SLC29A4: variants seen among roughly 807,000 people sequenced by gnomAD.
The protein encoded by SLC29A4 is solute carrier family 29 member 4.
Under a neutral mutation model 43.9 loss-of-function variants are expected in SLC29A4, and 36 were observed. That is an observed-to-expected ratio of 0.82 (90% CI 0.63 to 1.08). The LOEUF is 1.08. Ranked by LOEUF, SLC29A4 falls within the 50% of genes least tolerant of loss-of-function variation. The pLI, the probability that SLC29A4 is intolerant of heterozygous loss-of-function variation, is 0.00. For missense variants in SLC29A4, 869 were observed against 755.3 expected, an observed-to-expected ratio of 1.15 and a Z score of -1.77; for synonymous variants, 491 against 338.0, an observed-to-expected ratio of 1.45 and a Z score of -4.97.
intron 5 of SLC29A4, among the ~76,000 whole-genome samples, chr7:5,293,031 C>G (rs1411439646): frequency 4.0e-5 from 6 of 149,634 alleles, no homozygotes; most frequent in African/African-American, 1.5e-4. Flanking sequence ...TTTTTTTTTT[C>G]TGACCCAACA....
At position 5,299,295 on chromosome 7, in the gene SLC29A4, C is replaced by T. The variant is rs367605224; in HGVS notation, c.1077C>T (p.Ser359=). ...VARVIWADML[S]IAVTYFITLC... is the part of the protein sequence containing the mutation. ...GGGTGATCTGGGCCGACATGCTCTC[C>T]ATCGCCGTGACCTACTTCATCACGC... Residue 359 remains serine, a synonymous_variant, in exon 9 of 11, where the codon TCC becomes TCT. Transcript: ENST00000396872. 1.3e-5 allele frequency: 21 copies of T among 1,611,940 alleles called. No homozygotes were observed. Among genetic ancestry groups the T allele is most frequent in the East Asian group, 2.2e-5 (1 of 44,902 alleles).
At chr7:5,297,827 C>T (rs1243220324) in intron 7 of SLC29A4, among the ~76,000 whole-genome samples, 5 of 152,140 alleles carry the variant, frequency 3.3e-5, no homozygotes, top group Non-Finnish European at 7.4e-5. Context: ...TCTGTGGCCC[C>T]TGGCTCTGCT....
At chr7:5,301,503 G>A (rs1337038201) in intron 10 of SLC29A4, among the ~76,000 whole-genome samples, 4 of 152,146 alleles carry the variant, frequency 2.6e-5, no homozygotes, top group Admixed American at 6.5e-5. Context: ...CAGGAAGAGG[G>A]AGCAGCATGT....
In SLC29A4 at chr7:5,304,102, G is replaced by A. The variant is rs909069415; in HGVS notation, c.*1163G>A. ...GAGTTTGTGCGTGGACGGGGGCTGG[G>A]ACTGCCATCTCGGGATACCGGTGGA... On this transcript the variant is annotated 3_prime_UTR_variant, in exon 11 of 11. Transcript: ENST00000396872. 6.6e-6 allele frequency: 1 copy of A among 152,400 alleles called. No homozygotes were observed. Among genetic ancestry groups the A allele is most frequent in the Non-Finnish European group, 1.5e-5 (1 of 68,148 alleles). The allele number at this position is 152,400 out of a possible 1,614,324, so 9.4% of individuals were successfully genotyped here. A position where few individuals can be genotyped will look rare whatever the true frequency, so the allele number is the denominator to read the frequency against.
In SLC29A4 at chr7:5,306,788, A is replaced by AATTTT. The variant is rs1786544994; in HGVS notation, c.*3855_*3859dup. 6.6e-6 allele frequency: 1 copy of AATTTT among 151,966 alleles called. No individual in the cohort carries two copies. Among genetic ancestry groups the AATTTT allele is most frequent in the African/African-American group, 2.4e-5 (1 of 41,378 alleles). The allele number at this position is 151,966 out of a possible 1,614,324, so 9.4% of individuals were successfully genotyped here. ...GCCCCTGAAATAAACCACTCCAGAC[A>AATTTT]ATTTTATTTTTCCAATTAAATCTTT... On this transcript the variant is annotated 3_prime_UTR_variant, in exon 11 of 11. Transcript: ENST00000396872.
chr7:5,294,738 C>T, intron 5 of SLC29A4, 122 bp from the exon 6 acceptor site: 3 of 938,450 alleles, frequency 3.2e-6, no homozygotes, highest in Non-Finnish European at 3.5e-6. Flanking sequence ...ATCTCTCTGC[C>T]ATTAGTGGTG....
intron 5 of SLC29A4, among the ~76,000 whole-genome samples, chr7:5,292,135 T>C (rs1243777695): frequency 6.6e-6 from 1 of 152,212 alleles, no homozygotes; most frequent in African/African-American, 2.4e-5. Flanking sequence ...GCAATGGCTT[T>C]GATCTGACTT....
intron 1 of SLC29A4, among the ~76,000 whole-genome samples, chr7:5,287,482 C>G (rs188860615): frequency 1.3e-5 from 2 of 151,918 alleles, no homozygotes; most frequent in African/African-American, 4.8e-5. Flanking sequence ...AAATTAATGT[C>G]CTCTGGATGG....
chr7:5,302,607 G>C (rs1374485377), intron 10 of SLC29A4, among the ~76,000 whole-genome samples, 190 bp from the exon 11 acceptor site: 1 of 152,230 alleles, frequency 6.6e-6, no homozygotes, highest in African/African-American at 2.4e-5. Context: ...GTGCATAGCA[G>C]ATGGCCTCGG....
chr7:5,290,005 C>T (rs1277192446), intron 2 of SLC29A4, among the ~76,000 whole-genome samples: 1 of 152,092 alleles, frequency 6.6e-6, no homozygotes, highest in Admixed American at 6.6e-5. Context: ...CCTGCCTCAG[C>T]CTCCTGAGTA....
rs554717558 is a variant in SLC29A4, at chr7:5,287,789, C to T, written c.-8-20C>T. 6.2e-7 allele frequency: 1 copy of T among 1,606,548 alleles called. No individual in the cohort carries two copies. Among genetic ancestry groups the T allele is most frequent in the East Asian group, 2.2e-5 (1 of 44,818 alleles). ...TCAGCCTTCTTCCCTCACCTGCTCT[C>T]TCTGCTTTCTCCAAAGCAGAGGCTG... On this transcript the variant is annotated intron_variant, in intron 1 of 10. Coordinates refer to ENST00000396872, the MANE Select transcript of SLC29A4 (RefSeq NM_153247.4).
At chr7:5,290,418 A>G (rs1353021828) in intron 2 of SLC29A4, among the ~76,000 whole-genome samples, 1 of 152,038 alleles carries the variant, frequency 6.6e-6, no homozygotes, top group Non-Finnish European at 1.5e-5. Flanking sequence ...GCTGGTCTCG[A>G]ACTCCTGAGT....
rs1786485837 is a variant in SLC29A4, at chr7:5,306,224, T to C, written c.*3285T>C. 2 of 123,728 alleles carry C rather than the reference T, an allele frequency of 1.6e-5. No homozygotes were observed. The highest frequency in any genetic ancestry group is 3.0e-5 in the African/African-American group (1 of 33,424). The allele number at this position is 123,728 out of a possible 1,614,324, so 7.7% of individuals were successfully genotyped here. ...TTTTTTTTTTTTTTTTTTGAGACAA[T>C]CTCTGTCACCCCCAGGCCAGAGTGC... On this transcript the variant is annotated 3_prime_UTR_variant, in exon 11 of 11. Coordinates refer to ENST00000396872, the MANE Select transcript of SLC29A4 (RefSeq NM_153247.4).
chr7:5,283,429 G>A (rs1454204930), intron 1 of SLC29A4, among the ~76,000 whole-genome samples: 1 of 151,974 alleles, frequency 6.6e-6, no homozygotes, highest in Non-Finnish European at 1.5e-5. Context: ...CCCCTTCCTC[G>A]TTCTCGGAAA....
At chr7:5,297,360 C>T (rs1023085456) in intron 7 of SLC29A4, among the ~76,000 whole-genome samples, 162 bp downstream of exon 7, 2 of 152,232 alleles carry the variant, frequency 1.3e-5, no homozygotes, top group Admixed American at 6.5e-5. Context: ...ATTCTGTGTA[C>T]TCTTACTGAT....
In SLC29A4 at chr7:5,300,585, T is replaced by C. The variant is rs1156964437; in HGVS notation, c.1373T>C (p.Ile458Thr). The change falls in exon 10 of 11, where the codon ATC becomes ACC. Residue 458 changes from isoleucine (I) to threonine (T), a missense_variant. By Grantham distance (89) the Ile-to-Thr change is moderately conservative (BLOSUM62 -1). Coordinates refer to ENST00000396872, the MANE Select transcript of SLC29A4 (RefSeq NM_153247.4). Reference protein sequence around the residue: ...WPCIFSLLMGISNGYFGSVPM... With the variant: ...WPCIFSLLMGTSNGYFGSVPM... ...TGCATCTTCTCACTGCTCATGGGCA[T>C]CAGCAACGGCTACTTCGGCAGCGTG... 6.2e-7 allele frequency: 1 copy of C among 1,611,846 alleles called. No individual in the cohort carries two copies. The highest frequency in any genetic ancestry group is 1.1e-5 in the South Asian group (1 of 90,952).
chr7:5,292,533 C>T (rs560182623), intron 5 of SLC29A4, among the ~76,000 whole-genome samples: 271 of 152,122 alleles, frequency 1.8e-3, no homozygotes, highest in African/African-American at 6.0e-3. Flanking sequence ...CCCTCCACCC[C>T]GTCTCTCTGT....
Position 5,300,619 on chromosome 7 carries a change from C to A in SLC29A4, c.1407C>A (p.Ile469=). 2 of 1,610,342 alleles carry A rather than the reference C, an allele frequency of 1.2e-6. No homozygotes were observed. Among genetic ancestry groups the A allele is most frequent in the Non-Finnish European group, 8.5e-7 (1 of 1,178,722 alleles). ...GCTACTTCGGCAGCGTGCCCATGATCCTGGCGGCAGGCAAAGTGAGCCCCA... is the reference window on the plus strand; with the variant it reads ...GCTACTTCGGCAGCGTGCCCATGATACTGGCGGCAGGCAAAGTGAGCCCCA... ...SNGYFGSVPM[I]LAAGKVSPKQ... The change falls in exon 10 of 11, where the codon ATC becomes ATA. Residue 469 remains isoleucine, a synonymous_variant. Transcript: ENST00000396872.
intron 10 of SLC29A4, among the ~76,000 whole-genome samples, chr7:5,302,253 G>T (rs1045308910): frequency 2.6e-5 from 4 of 152,198 alleles, no homozygotes; most frequent in Non-Finnish European, 5.9e-5. Flanking sequence ...ACCTGGCTGA[G>T]ACTGGAGATT....
Sources: allele counts gnomAD v4.1 joint callset (sites outside exome capture counted in the v4.1 genomes callset), GRCh38; gene constraint gnomAD v4.1.1; transcripts MANE v1.5; gene names NCBI Gene and HGNC (gene_info 2026-07-23, HGNC 2026-07-21).